Variants in SHLD1 observed in about 807,000 individuals in gnomAD.
The protein encoded by SHLD1 is shieldin complex subunit 1.
Under a neutral mutation model 5.5 loss-of-function variants are expected in SHLD1, and 3 were observed. The ratio of observed to expected loss-of-function variants is 0.54; its 90% CI spans 0.25 to 1.40. The LOEUF (loss-of-function observed/expected upper bound fraction) is 1.40. Among genes scored for constraint, SHLD1 ranks in the 40% most tolerant of loss-of-function variants. The pLI, the probability that SHLD1 is intolerant of heterozygous loss-of-function variation, is 0.15. For missense variants in SHLD1, 210 were observed against 244.4 expected (o/e 0.86, Z 0.94); for synonymous variants, 92 against 94.3 (o/e 0.98, Z 0.14).
intron 2 of SHLD1, among the ~76,000 whole-genome samples, chr20:5,785,376 G>C (rs879669542): frequency 6.6e-6 from 1 of 152,116 alleles, no homozygotes; most frequent in Non-Finnish European, 1.5e-5. Flanking sequence ...AGAGAGGCTC[G>C]TTTCATATTA....
chr20:5,861,614 A>G (rs1318571259), intron 2 of SHLD1, among the ~76,000 whole-genome samples: 2 of 152,200 alleles, frequency 1.3e-5, no homozygotes, highest in Non-Finnish European at 2.9e-5. Context: ...ATTACCATAG[A>G]CATTCTAGAA....
At chr20:5,800,836 T>C (rs1329850601) in intron 2 of SHLD1, among the ~76,000 whole-genome samples, 1 of 82,950 alleles carries the variant, frequency 1.2e-5, no homozygotes, top group African/African-American at 4.1e-5. Context: ...TATCTGTATC[T>C]ATACCTGTGT....
intron 2 of SHLD1, among the ~76,000 whole-genome samples, chr20:5,802,708 G>A (rs438392): frequency 0.041 from 6,227 of 151,666 alleles, 409 homozygotes; most frequent in African/African-American, 0.14. Flanking sequence ...GTGCAGTGGC[G>A]TGATCATGGC....
chr20:5,768,489 A>C (rs1327893118), intron 1 of SHLD1, among the ~76,000 whole-genome samples: 1 of 152,222 alleles, frequency 6.6e-6, no homozygotes, highest in Non-Finnish European at 1.5e-5. Flanking sequence ...ACTCCAAACT[A>C]GGAGGGAAGG....
intron 2 of SHLD1, among the ~76,000 whole-genome samples, chr20:5,797,566 AAAG>A (rs147456945): frequency 0.59 from 89,338 of 151,414 alleles, 26,515 homozygotes; most frequent in East Asian, 0.78. Context: ...CCATCTCAAA[AAAG>A]AAGAAGAAGA....
chr20:5,858,930 C>A (rs1212272108), intron 2 of SHLD1, among the ~76,000 whole-genome samples: 2 of 152,160 alleles, frequency 1.3e-5, no homozygotes, highest in South Asian at 4.1e-4. Flanking sequence ...TGATATCAAG[C>A]CCTGCCCTCC....
chr20:5,855,943 C>T lies in SHLD1; in HGVS notation c.179-7081C>T, dbSNP rs186695814. Among the ~76,000 whole-genome samples, 7 of 152,294 alleles carry T rather than the reference C, an allele frequency of 4.6e-5. No individual in the cohort carries two copies. Among genetic ancestry groups the T allele is most frequent in the Admixed American group, 3.9e-4 (6 of 15,300 alleles). ...GCTGTCCCAGTCACTGCTGATTTCCCCATACTCTTTTTCCTCTGCTATAGT... is the reference window on the plus strand; with the variant it reads ...GCTGTCCCAGTCACTGCTGATTTCCTCATACTCTTTTTCCTCTGCTATAGT... On this transcript the variant is annotated intron_variant, in intron 2 of 2. Coordinates refer to ENST00000303142, the MANE Select transcript of SHLD1 (RefSeq NM_152504.4). This position sits in a 1 kb window ranked among gnomAD's most constrained non-coding sequence, Gnocchi z 4.4.
intron 2 of SHLD1, among the ~76,000 whole-genome samples, chr20:5,784,652 G>A (rs549950033): frequency 4.9e-4 from 75 of 151,948 alleles, no homozygotes; most frequent in East Asian, 2.7e-3. Context: ...GGGTTTCACC[G>A]TGTTAGCCAG....
chr20:5,824,044 C>A (rs969763555), intron 2 of SHLD1, among the ~76,000 whole-genome samples: 3 of 152,180 alleles, frequency 2.0e-5, no homozygotes, highest in Non-Finnish European at 4.4e-5. Context: ...TGCTTAAAAC[C>A]TTTCAGTGCG....
intron 1 of SHLD1, among the ~76,000 whole-genome samples, chr20:5,757,051 TTTTCTTTTTTTC>T (rs1984156240): frequency 6.6e-6 from 1 of 151,252 alleles, no homozygotes; most frequent in Admixed American, 6.6e-5. Flanking sequence ...GGGTTTTTCT[TTTTCTTTTTTTC>T]TTTCTTTCTT....
At chr20:5,750,753 C>G (rs1385946872) in intron 1 of SHLD1, among the ~76,000 whole-genome samples, 1 of 151,762 alleles carries the variant, frequency 6.6e-6, no homozygotes, top group African/African-American at 2.4e-5. Flanking sequence ...TCAGGAGGTT[C>G]TGCTAAAAAA....
At chr20:5,818,747 G>A (rs73081206) in intron 2 of SHLD1, among the ~76,000 whole-genome samples, 1,826 of 152,284 alleles carry the variant, frequency 0.012, 15 homozygotes, top group Middle Eastern at 0.034. Context: ...TGATTGATTG[G>A]ATCTTACAAT....
chr20:5,829,383 C>T (rs992297184), intron 2 of SHLD1, among the ~76,000 whole-genome samples: 3 of 152,162 alleles, frequency 2.0e-5, no homozygotes, highest in African/African-American at 7.2e-5. Flanking sequence ...GGAAATTAAA[C>T]TCAACATTTG....
intron 2 of SHLD1, among the ~76,000 whole-genome samples, chr20:5,779,516 T>C (rs73894033): frequency 3.0e-3 from 460 of 152,294 alleles, no homozygotes; most frequent in African/African-American, 0.011. Flanking sequence ...TGACTCTGGA[T>C]CTATTGTTTG....
chr20:5,783,201 G>C (rs905274494), intron 2 of SHLD1, among the ~76,000 whole-genome samples: 6 of 152,106 alleles, frequency 3.9e-5, no homozygotes, highest in African/African-American at 1.4e-4. Flanking sequence ...TGCTTTTGTT[G>C]CCTCTTCCTA....
In SHLD1 at chr20:5,773,340, A is replaced by G. The variant is rs1600107220; in HGVS notation, c.178+297A>G. On this transcript the variant is annotated intron_variant, in intron 2 of 2. Coordinates refer to ENST00000303142, the MANE Select transcript of SHLD1 (RefSeq NM_152504.4). Reference sequence around the variant, plus strand: ...TCAGAAGCAGGGGAATATTTGGTTCAACAAAGAGAGAGTGGAATTTTTTTT... The same window carrying G: ...TCAGAAGCAGGGGAATATTTGGTTCGACAAAGAGAGAGTGGAATTTTTTTT... The G allele has an allele frequency of 5.1e-6, 3 of 588,176 alleles. No homozygotes were observed. The South Asian group carries it at 6.5e-5, about 13-fold the overall frequency. The allele number at this position is 588,176 out of a possible 1,614,324, so 36.4% of individuals were successfully genotyped here. A position where few individuals can be genotyped will look rare whatever the true frequency, so the allele number is the denominator to read the frequency against.
intron 2 of SHLD1, among the ~76,000 whole-genome samples, chr20:5,786,816 T>C (rs1048820575): frequency 6.6e-5 from 10 of 152,146 alleles, no homozygotes; most frequent in African/African-American, 2.4e-4. Context: ...CCTTTCCCAG[T>C]GCCTCCCATC....
Position 5,798,141 on chromosome 20 carries a change from T to A in SHLD1, c.178+25098T>A, listed in dbSNP as rs530879002. Among the ~76,000 whole-genome samples the A allele has an allele frequency of 2.6e-5, 4 of 152,288 alleles. No homozygotes were observed. In the South Asian group the frequency reaches 8.3e-4, roughly 32 times the overall value. The stretch of plus-strand genomic sequence containing the variant: ...GCTCATTCACATGGCTGATAGTTGA[T>A]GCTAGTCATCAGCTGGGAGCCCAGC... On this transcript the variant is annotated intron_variant, in intron 2 of 2. Transcript: ENST00000303142.
rs539767061 is a variant in SHLD1 at position 5,823,208 on chromosome 20, C to T, written c.179-39816C>T. On this transcript the variant is annotated intron_variant, in intron 2 of 2. Transcript: ENST00000303142. Reference sequence around the variant, plus strand: ...CAGCTTCTCCTCCTGCCCTCACTGGCTGCTGTTTCTCATCCTCCTCTGCTG... The same window carrying T: ...CAGCTTCTCCTCCTGCCCTCACTGGTTGCTGTTTCTCATCCTCCTCTGCTG... 4.6e-5 allele frequency among the ~76,000 whole-genome samples: 7 copies of T among 152,198 alleles called. No homozygotes were observed. The South Asian group carries it at 1.2e-3, about 27-fold the overall frequency.
Sources: allele counts gnomAD v4.1 joint callset (sites outside exome capture counted in the v4.1 genomes callset), GRCh38; gene constraint gnomAD v4.1.1; non-coding constraint Gnocchi (gnomAD v3.1); transcripts MANE v1.5; gene names NCBI Gene and HGNC (gene_info 2026-07-23, HGNC 2026-07-21).